The following NME7 variants were observed in gnomAD, a reference collection of about 807,000 sequenced individuals.
The protein encoded by NME7 is NME/NM23 family member 7.
A neutral mutation model predicts 49.1 loss-of-function variants in NME7; 41 were observed. The ratio of observed to expected loss-of-function variants is 0.83; its 90% CI spans 0.65 to 1.08. The LOEUF is 1.08. Among genes scored for constraint, NME7 ranks in the 50% least tolerant of loss-of-function variants. The pLI is 0.00. For missense variants in NME7, 423 were observed against 463.4 expected (o/e 0.91, Z 0.80); for synonymous variants, 139 against 150.6 (o/e 0.92, Z 0.56).
At chr1:169,363,727 C>T (rs1482014093) in intron 1 of NME7, among the ~76,000 whole-genome samples, 3 of 152,142 alleles carry the variant, frequency 2.0e-5, no homozygotes, top group South Asian at 2.1e-4. Flanking sequence ...TTGTTGTTAG[C>T]GTGGCCTGGA....
intron 7 of NME7, among the ~76,000 whole-genome samples, chr1:169,266,949 T>C (rs1052612240): frequency 3.8e-5 from 5 of 132,388 alleles, no homozygotes; most frequent in African/African-American, 1.3e-4. Context: ...GTGCCTGTAA[T>C]CCCAGCTACT....
chr1:169,324,514 CAG>C lies in NME7; in HGVS notation c.4-16_4-15del. 1.3e-6 allele frequency: 2 copies of C among 1,525,168 alleles called. No individual in the cohort carries two copies. Among genetic ancestry groups the C allele is most frequent in the Non-Finnish European group, 1.8e-6 (2 of 1,100,704 alleles). The allele number at this position is 1,525,168 out of a possible 1,614,324, so 94.5% of individuals were successfully genotyped here. ...TTCACTATGATTCTGCAAAGAAAGA[CAG>C]AAGAATTTTAACACTAACATATAAA... On this transcript the variant is annotated splice_polypyrimidine_tract_variant and intron_variant, in intron 1 of 11. Coordinates refer to ENST00000367811, the MANE Select transcript of NME7 (RefSeq NM_013330.5).
At position 169,338,967 on chromosome 1, in the gene NME7, GTCTC is replaced by G. The variant is rs374260613; in HGVS notation, c.4-14471_4-14468del. ...AATTTTGTATTATACAATACAAATT[GTCTC>G]TCTAATAAAATTATGAAATTCTCAA... On this transcript the variant is annotated intron_variant, in intron 1 of 11. Coordinates refer to ENST00000367811, the MANE Select transcript of NME7 (RefSeq NM_013330.5). 5.5e-3 allele frequency among the ~76,000 whole-genome samples: 841 copies of G among 152,192 alleles called. 8 individuals carry two copies. The highest frequency in any genetic ancestry group is 0.019 in the African/African-American group (794 of 41,514).
At chr1:169,349,808 G>A (rs1297493226) in intron 1 of NME7, among the ~76,000 whole-genome samples, 2 of 152,088 alleles carry the variant, frequency 1.3e-5, no homozygotes, top group Non-Finnish European at 2.9e-5. Flanking sequence ...GAATGTAACT[G>A]TATAAAAGGA....
chr1:169,253,159 G>T (rs927999291), intron 7 of NME7, among the ~76,000 whole-genome samples: 1 of 151,798 alleles, frequency 6.6e-6, no homozygotes, highest in African/African-American at 2.4e-5. Flanking sequence ...GGGCAGTATG[G>T]CCATTTTCAC....
At chr1:169,142,503 GA>G (rs1382853409) in intron 11 of NME7, among the ~76,000 whole-genome samples, 1 of 152,002 alleles carries the variant, frequency 6.6e-6, no homozygotes, top group East Asian at 1.9e-4. Flanking sequence ...ATAAATAGAG[GA>G]AAGAAAAAGA....
At chr1:169,175,892 G>A (rs1659735105) in intron 10 of NME7, among the ~76,000 whole-genome samples, 1 of 152,130 alleles carries the variant, frequency 6.6e-6, no homozygotes, top group South Asian at 2.1e-4. Context: ...CACAGGCAAT[G>A]AGGGTAATAA....
rs185824431 is a variant in NME7, at chr1:169,179,775, G to C, written c.991-10221C>G. On this transcript the variant is annotated intron_variant, in intron 10 of 11. Transcript: ENST00000367811. ...AAATGATGAAAACACAGGGACACAT[G>C]GAGGGGAGGAGGGGAGCAACACACA... Among the ~76,000 whole-genome samples, 173 of 152,234 alleles carry C rather than the reference G, an allele frequency of 1.1e-3. 1 individual carries two copies. Among genetic ancestry groups the C allele is most frequent in the Middle Eastern group, 0.01 (3 of 294 alleles).
intron 10 of NME7, among the ~76,000 whole-genome samples, chr1:169,217,542 T>A (rs896582968): frequency 6.6e-6 from 1 of 152,224 alleles, no homozygotes; most frequent in African/African-American, 2.4e-5. Flanking sequence ...TGTATTACAT[T>A]ATATGTAGCT....
intron 4 of NME7, among the ~76,000 whole-genome samples, chr1:169,308,826 C>T (rs1488844538): frequency 6.6e-6 from 1 of 152,048 alleles, no homozygotes; most frequent in Non-Finnish European, 1.5e-5. Context: ...TAGAAAATAT[C>T]TGGTCAAACA....
In NME7 at chr1:169,256,821, C is replaced by G. The variant is rs1340903330; in HGVS notation, c.755-19134G>C. ...GCTGCAGGTCTGTTGGAATACCCTGCCGTGTGAGGTGTCAGTGTGCTCTTG... is the reference window on the plus strand; with the variant it reads ...GCTGCAGGTCTGTTGGAATACCCTGGCGTGTGAGGTGTCAGTGTGCTCTTG... On this transcript the variant is annotated intron_variant, in intron 7 of 11. Coordinates refer to ENST00000367811, the MANE Select transcript of NME7 (RefSeq NM_013330.5). Among the ~76,000 whole-genome samples the G allele has an allele frequency of 3.0e-5, 4 of 131,598 alleles. 1 individual carries two copies. The East Asian group carries it at 8.1e-4, about 27-fold the overall frequency. 86.3% of individuals were successfully genotyped at this position (131,598 alleles called of 152,430 possible).
chr1:169,334,829 T>A (rs1276094354), intron 1 of NME7, among the ~76,000 whole-genome samples: 2 of 152,154 alleles, frequency 1.3e-5, no homozygotes, highest in East Asian at 3.8e-4. Flanking sequence ...TGAAAAGGTC[T>A]AATATCCAGA....
intron 11 of NME7, among the ~76,000 whole-genome samples, chr1:169,155,777 T>G (rs920629118): frequency 6.7e-5 from 9 of 135,062 alleles, no homozygotes; most frequent in African/African-American, 2.4e-4. Context: ...TTTTTTTTTT[T>G]TGAAATGTTC....
intron 7 of NME7, among the ~76,000 whole-genome samples, chr1:169,244,690 C>G (rs2101837474): frequency 6.7e-6 from 1 of 150,288 alleles, no homozygotes; most frequent in East Asian, 2.0e-4. Flanking sequence ...TAGTATTCTT[C>G]AAAATTCTAA....
intron 7 of NME7, among the ~76,000 whole-genome samples, chr1:169,242,951 CAATA>C (rs1648154663): frequency 1.3e-5 from 2 of 151,910 alleles, no homozygotes; most frequent in African/African-American, 4.8e-5. Flanking sequence ...ATACTTCACA[CAATA>C]AAGATGTCAA....
chr1:169,210,874 G>A (rs1272797186), intron 10 of NME7, among the ~76,000 whole-genome samples: 3 of 152,034 alleles, frequency 2.0e-5, no homozygotes, highest in East Asian at 1.9e-4. Context: ...CCTCATCGGG[G>A]CTTCCTTCCC....
intron 3 of NME7, among the ~76,000 whole-genome samples, chr1:169,317,447 A>G (rs552743196): frequency 6.6e-6 from 1 of 152,326 alleles, no homozygotes; most frequent in East Asian, 1.9e-4. Context: ...TGTTGGGTCT[A>G]TCGTATAATC....
intron 10 of NME7, among the ~76,000 whole-genome samples, chr1:169,193,679 A>G (rs895300456): frequency 6.6e-6 from 1 of 152,184 alleles, no homozygotes; most frequent in Non-Finnish European, 1.5e-5. Flanking sequence ...AAATGCTAGC[A>G]GCTCCAGCTG....
chr1:169,204,155 C>A (rs1257265068), intron 10 of NME7, among the ~76,000 whole-genome samples: 6 of 151,640 alleles, frequency 4.0e-5, no homozygotes, highest in Non-Finnish European at 1.5e-5. Flanking sequence ...CACACCAGGC[C>A]AGGGAATTTA....
Sources: allele counts gnomAD v4.1 joint callset (sites outside exome capture counted in the v4.1 genomes callset), GRCh38; gene constraint gnomAD v4.1.1; transcripts MANE v1.5; gene names NCBI Gene and HGNC (gene_info 2026-07-23, HGNC 2026-07-21).